Variants in THSD7A observed in about 807,000 individuals in gnomAD.
The protein encoded by THSD7A is thrombospondin type-1 domain-containing protein 7A.
Under a neutral mutation model 231.3 loss-of-function variants are expected in THSD7A, and 96 were observed. That is an observed-to-expected ratio of 0.41 (90% CI 0.35 to 0.49). The LOEUF (loss-of-function observed/expected upper bound fraction) is 0.49, where lower values mean the gene tolerates loss of function less well. Ranked by LOEUF, THSD7A falls within the 20% of genes least tolerant of loss-of-function variation. The pLI is 0.05. For missense variants in THSD7A, 2,290 were observed against 2,070.2 expected, an observed-to-expected ratio of 1.11 and a Z score of -2.06; for synonymous variants, 940 against 743.3, an observed-to-expected ratio of 1.26 and a Z score of -4.30.
At chr7:11,565,495 G>T (rs141701768) in intron 4 of THSD7A, among the ~76,000 whole-genome samples, 1 of 152,306 alleles carries the variant, frequency 6.6e-6, no homozygotes. Flanking sequence ...CCTGTTAGGA[G>T]ACTATTCCAA....
chr7:11,747,643 C>CTA (rs2128163549), intron 1 of THSD7A, among the ~76,000 whole-genome samples: 1 of 152,014 alleles, frequency 6.6e-6, no homozygotes, highest in South Asian at 2.1e-4. Context: ...AAATGACTAT[C>CTA]TAGCATGGAT....
chr7:11,769,144 TATATATA>T (rs1452473691), intron 1 of THSD7A, among the ~76,000 whole-genome samples: 11 of 67,366 alleles, frequency 1.6e-4, no homozygotes, highest in African/African-American at 4.5e-4. Context: ...TATATATATA[TATATATA>T]TATTTTTTTT....
At chr7:11,716,998 C>T (rs183343784) in intron 1 of THSD7A, among the ~76,000 whole-genome samples, 2 of 151,742 alleles carry the variant, frequency 1.3e-5, no homozygotes, top group African/African-American at 2.4e-5. Context: ...TCATAAACTC[C>T]TCAAATCTCT....
intron 23 of THSD7A, among the ~76,000 whole-genome samples, chr7:11,394,757 A>C (rs1783115922): frequency 6.6e-6 from 1 of 152,210 alleles, no homozygotes; most frequent in African/African-American, 2.4e-5. Context: ...TTTGGCAGCT[A>C]TAGCCAGGCA....
rs1782277921 is a variant in THSD7A, at chr7:11,745,730, G to A, written c.190+86027C>T. Among the ~76,000 whole-genome samples, 2 of 151,994 alleles carry A rather than the reference G, an allele frequency of 1.3e-5. 1 individual carries two copies. Among genetic ancestry groups the A allele is most frequent in the Non-Finnish European group, 2.9e-5 (2 of 68,000 alleles). On this transcript the variant is annotated intron_variant, in intron 1 of 27. Transcript: ENST00000423059. ...CTTTCCCCATTGCTTGTTTTTCTCA[G>A]GTTTGTCAAAGATCAGATAGTTGTA...
chr7:11,657,347 G>C (rs2128371557), intron 1 of THSD7A, among the ~76,000 whole-genome samples: 1 of 151,804 alleles, frequency 6.6e-6, no homozygotes, highest in East Asian at 1.9e-4. Flanking sequence ...AGAATTCCAG[G>C]AATAGGGAAG....
chr7:11,458,500 T>A (rs550837655), intron 11 of THSD7A, among the ~76,000 whole-genome samples: 48 of 152,280 alleles, frequency 3.2e-4, no homozygotes, highest in Admixed American at 9.8e-4. Context: ...CTTGTTATAA[T>A]GCAACTTTCA....
At chr7:11,685,752 T>C (rs1428907658) in intron 1 of THSD7A, among the ~76,000 whole-genome samples, 1 of 151,558 alleles carries the variant, frequency 6.6e-6, no homozygotes, top group Non-Finnish European at 1.5e-5. Flanking sequence ...GAAAAGGGAA[T>C]GCATACACTG....
chr7:11,485,636 G>C (rs2128305904), intron 6 of THSD7A, among the ~76,000 whole-genome samples: 1 of 152,252 alleles, frequency 6.6e-6, no homozygotes, highest in Non-Finnish European at 1.5e-5. Context: ...ACAGAGAATT[G>C]AAATGAGTTT....
At chr7:11,485,158 G>T (rs1786602717) in intron 6 of THSD7A, among the ~76,000 whole-genome samples, 1 of 151,714 alleles carries the variant, frequency 6.6e-6, no homozygotes, top group Non-Finnish European at 1.5e-5. Flanking sequence ...CAAAGTGCTG[G>T]GATTACAGGC....
chr7:11,375,594 C>T lies in THSD7A; in HGVS notation c.*200G>A. The T allele has an allele frequency of 2.5e-6, 1 of 397,838 alleles. No individual in the cohort carries two copies. Among genetic ancestry groups the T allele is most frequent in the South Asian group, 1.0e-4 (1 of 9,994 alleles). The allele number at this position is 397,838 out of a possible 1,614,324, so 24.6% of individuals were successfully genotyped here. A position where few individuals can be genotyped will look rare whatever the true frequency, so the allele number is the denominator to read the frequency against. On this transcript the variant is annotated 3_prime_UTR_variant, in exon 28 of 28. Transcript: ENST00000423059. ...ATTCAGCTAAATCTCCTATAATTCTCACGGTTGATGGTCTGTATATAAGTG... is the reference window on the plus strand; with the variant it reads ...ATTCAGCTAAATCTCCTATAATTCTTACGGTTGATGGTCTGTATATAAGTG...
At chr7:11,489,910 C>T (rs1028277405) in intron 6 of THSD7A, among the ~76,000 whole-genome samples, 1 of 151,826 alleles carries the variant, frequency 6.6e-6, no homozygotes, top group African/African-American at 2.4e-5. Flanking sequence ...TATATATTTA[C>T]CTATTGATTT....
intron 23 of THSD7A, among the ~76,000 whole-genome samples, chr7:11,392,816 C>A (rs1470924496): frequency 1.3e-5 from 2 of 152,224 alleles, no homozygotes; most frequent in African/African-American, 4.8e-5. Context: ...GCCCTTGTAG[C>A]CAGACTGCCT....
intron 13 of THSD7A, among the ~76,000 whole-genome samples, chr7:11,430,895 C>T (rs1784460155): frequency 6.6e-6 from 1 of 152,186 alleles, no homozygotes; most frequent in African/African-American, 2.4e-5. Flanking sequence ...ATCCACTCAT[C>T]AGTTAATGGA....
Position 11,636,736 on chromosome 7 carries a change from C to T in THSD7A, c.416G>A (p.Ser139Asn). 6.2e-7 allele frequency: 1 copy of T among 1,613,964 alleles called. No homozygotes were observed. Among genetic ancestry groups the T allele is most frequent in the Admixed American group, 1.7e-5 (1 of 60,010 alleles). Residue 139 changes from serine to asparagine, a missense_variant, in exon 2 of 28, where the codon AGC becomes AAC. By Grantham distance (46) the Ser-to-Asn change is conservative (BLOSUM62 1). Coordinates refer to ENST00000423059, the MANE Select transcript of THSD7A (RefSeq NM_015204.3). The surrounding 1 kb of genome is among the most constrained non-coding windows in gnomAD (Gnocchi z 10.0). Reference protein sequence around the residue: ...WNQCQPVISKSLEKPLECIKG... With the variant: ...WNQCQPVISKNLEKPLECIKG... Reference sequence around the variant, plus strand: ...AATGCACTCAAGAGGTTTCTCTAGGCTTTTTGAAATCACGGGCTGACACTG... The same window carrying T: ...AATGCACTCAAGAGGTTTCTCTAGGTTTTTTGAAATCACGGGCTGACACTG...
chr7:11,639,262 G>T (rs927316740), intron 1 of THSD7A, among the ~76,000 whole-genome samples: 1 of 152,078 alleles, frequency 6.6e-6, no homozygotes, highest in African/African-American at 2.4e-5. Context: ...TCAGATTGAG[G>T]CTACTAGTCT....
chr7:11,406,213 G>T lies in THSD7A; in HGVS notation c.4237+87C>A. On this transcript the variant is annotated intron_variant, in intron 22 of 27. Coordinates refer to ENST00000423059, the MANE Select transcript of THSD7A (RefSeq NM_015204.3). This position sits in a 1 kb window ranked among gnomAD's most constrained non-coding sequence, Gnocchi z 4.7. ...TGAATAAGAAGACTGTTGACATCCT[G>T]TAACTTATACTTTATATGCAACCCC... 7.5e-7 allele frequency: 1 copy of T among 1,333,584 alleles called. No homozygotes were observed. Among genetic ancestry groups the T allele is most frequent in the Non-Finnish European group, 1.0e-6 (1 of 970,826 alleles). The allele number at this position is 1,333,584 out of a possible 1,614,324, so 82.6% of individuals were successfully genotyped here. A position where few individuals can be genotyped will look rare whatever the true frequency, so the allele number is the denominator to read the frequency against.
intron 16 of THSD7A, among the ~76,000 whole-genome samples, chr7:11,423,360 C>T (rs939064951): frequency 2.1e-5 from 3 of 145,256 alleles, no homozygotes; most frequent in Non-Finnish European, 4.5e-5. Context: ...CATGGGTTGC[C>T]GAGTGCTGGA....
intron 23 of THSD7A, among the ~76,000 whole-genome samples, chr7:11,401,464 T>G (rs1783399409): frequency 1.3e-5 from 2 of 152,226 alleles, no homozygotes; most frequent in South Asian, 4.1e-4. Context: ...TTGCCCAGGC[T>G]GGAGTGCAGT....
Sources: allele counts gnomAD v4.1 joint callset (sites outside exome capture counted in the v4.1 genomes callset), GRCh38; gene constraint gnomAD v4.1.1; non-coding constraint Gnocchi (gnomAD v3.1); transcripts MANE v1.5; gene names NCBI Gene and HGNC (gene_info 2026-07-23, HGNC 2026-07-21).